GC: variants seen among roughly 807,000 people sequenced by gnomAD.
The protein encoded by GC is vitamin D-binding protein.
GC carries 43 observed loss-of-function variants against 56.7 expected under a neutral mutation model. The observed-to-expected ratio is 0.76, with a 90% CI of 0.59 to 0.98. GC has a LOEUF of 0.98. Among genes scored for constraint, GC ranks in the 50% least tolerant of loss-of-function variants. GC has a pLI of 0.00. For missense variants in GC, 529 were observed against 545.9 expected (o/e 0.97, Z 0.31); for synonymous variants, 216 against 202.7 (o/e 1.07, Z -0.56).
upstream of GC, chr4:71,784,116 C>G: frequency 6.7e-7 from 1 of 1,501,094 alleles, no homozygotes; most frequent in Non-Finnish European, 8.9e-7. Context: ...ACAAAGATTC[C>G]TGACTATGAA....
intron 1 of GC, among the ~76,000 whole-genome samples, chr4:71,780,100 CTT>C (rs1742625883): frequency 2.0e-5 from 3 of 151,992 alleles, no homozygotes; most frequent in African/African-American, 7.2e-5. Context: ...ACCCTCTGAT[CTT>C]TGACAAACCT....
rs749918294 is a variant in GC at position 71,746,178 on chromosome 4, A to G, written c.1423T>C (p.Ter475GlnextTer2). Reference protein sequence around the residue: ...EIDAELKNIL* With the variant: ...EIDAELKNILQ ...AAGTTAATAAACATGCTTCAGGACT[A>G]CAGGATATTCTTCAATTCAGCATCA... The change falls in exon 12 of 13, where the codon TAG (stop) becomes CAG (glutamine). Residue 475 changes from the stop codon to glutamine (Q), a stop_lost. Coordinates refer to ENST00000273951, the MANE Select transcript of GC (RefSeq NM_000583.4). The G allele has an allele frequency of 7.6e-7, 1 of 1,324,080 alleles. No homozygotes were observed. The highest frequency in any genetic ancestry group is 1.2e-5 in the South Asian group (1 of 84,396). The allele number at this position is 1,324,080 out of a possible 1,614,324, so 82.0% of individuals were successfully genotyped here.
chr4:71,785,548 G>A (rs1324262475), upstream of GC, among the ~76,000 whole-genome samples: 1 of 151,686 alleles, frequency 6.6e-6, no homozygotes, highest in Non-Finnish European at 1.5e-5. Flanking sequence ...AGAAAATAGA[G>A]TCCAGCTAGT....
intron 2 of GC, 57 bp downstream of exon 2, chr4:71,769,274 A>C (rs1267548999): frequency 7.9e-7 from 1 of 1,258,304 alleles, no homozygotes. Context: ...GTTACCTCAC[A>C]CTCAGTTTTG....
rs377426655 is a variant in GC at position 71,759,840 on chromosome 4, G to A, written c.702-1669C>T. ...TGTTCATAGCAAATGCTATTTCCTT[G>A]AAGTACATTTCTGGACATGAATACA... On this transcript the variant is annotated intron_variant, in intron 6 of 12. Transcript: ENST00000273951. 4.6e-5 allele frequency among the ~76,000 whole-genome samples: 7 copies of A among 152,082 alleles called. No individual in the cohort carries two copies. In the East Asian group the frequency reaches 9.7e-4, roughly 21 times the overall value.
chr4:71,769,436 C>A, intron 1 of GC, 36 bp from the exon 2 acceptor site: 1 of 1,328,046 alleles, frequency 7.5e-7, no homozygotes, highest in East Asian at 2.3e-5. Context: ...GTATGTGTCC[C>A]CTTTTGATGA....
At chr4:71,752,043 T>C (rs1441681783) in intron 11 of GC, among the ~76,000 whole-genome samples, 1 of 152,016 alleles carries the variant, frequency 6.6e-6, no homozygotes, top group African/African-American at 2.4e-5. Context: ...TTTTCTAAAG[T>C]ATTTATTTTT....
chr4:71,801,044 C>T (rs1166780487), intron 1 of GC, among the ~76,000 whole-genome samples: 1 of 152,072 alleles, frequency 6.6e-6, no homozygotes, highest in Non-Finnish European at 1.5e-5. Context: ...AGTGAAATGA[C>T]AACCCACGGA....
At chr4:71,792,687 G>C (rs543269291) in intron 1 of GC, among the ~76,000 whole-genome samples, 267 of 152,180 alleles carry the variant, frequency 1.8e-3, no homozygotes, top group African/African-American at 6.1e-3. Flanking sequence ...TGTCTATTTT[G>C]ACTTTTGTTG....
intron 1 of GC, among the ~76,000 whole-genome samples, chr4:71,771,353 T>C (rs1742335972): frequency 6.6e-6 from 1 of 152,004 alleles, no homozygotes. Context: ...TTTTAAAGAT[T>C]CTCTTTAGGA....
upstream of GC, chr4:71,784,337 G>C (rs1198527098): frequency 1.9e-6 from 2 of 1,043,424 alleles, no homozygotes; most frequent in Non-Finnish European, 2.3e-6. Flanking sequence ...TTCCACTGCT[G>C]TTCCTCACTA....
At position 71,752,580 on chromosome 4, in the gene GC, G is replaced by A. The variant is rs3737553; in HGVS notation, c.1333C>T (p.His445Tyr). The change falls in exon 11 of 13, where the codon CAC (histidine) becomes TAC (tyrosine). Residue 445 changes from histidine (H) to tyrosine (Y), a missense_variant. His to Tyr is a moderately conservative substitution (Grantham distance 83). Transcript: ENST00000273951. ...PTELAKLVNK[H>Y]SDFASNCCSI... ...CAGCAGTTGGAGGCAAAGTCTGAGTGCTTGTTAACCAGCTTTGCCAGTTCC... is the reference window on the plus strand; with the variant it reads ...CAGCAGTTGGAGGCAAAGTCTGAGTACTTGTTAACCAGCTTTGCCAGTTCC... 5.1e-4 allele frequency: 827 copies of A among 1,612,590 alleles called. 11 individuals carry two copies. The East Asian group carries it at 0.017, about 33-fold the overall frequency.
At chr4:71,743,241 C>T (rs1741247260) in intron 12 of GC, among the ~76,000 whole-genome samples, 1 of 152,062 alleles carries the variant, frequency 6.6e-6, no homozygotes, top group Admixed American at 6.5e-5. Flanking sequence ...ATGAGTGAGT[C>T]AAATCTCTAA....
intron 1 of GC, among the ~76,000 whole-genome samples, chr4:71,792,887 A>T (rs1560714058): frequency 1.3e-5 from 2 of 152,192 alleles, no homozygotes; most frequent in Non-Finnish European, 2.9e-5. Flanking sequence ...ATGGCTAGCC[A>T]GTTTTCCCAG....
intron 1 of GC, among the ~76,000 whole-genome samples, chr4:71,796,450 G>C (rs997570967): frequency 9.9e-5 from 15 of 151,916 alleles, no homozygotes; most frequent in African/African-American, 2.9e-4. Context: ...CCATTTGATC[G>C]AATCAGCCAC....
chr4:71,785,299 T>G (rs1742806652), upstream of GC, among the ~76,000 whole-genome samples: 1 of 151,700 alleles, frequency 6.6e-6, no homozygotes, highest in Admixed American at 6.6e-5. Flanking sequence ...CTTTCCAAAT[T>G]TATAATATCT....
chr4:71,745,192 A>C (rs1358692391), intron 12 of GC, among the ~76,000 whole-genome samples: 1 of 152,216 alleles, frequency 6.6e-6, no homozygotes, highest in Non-Finnish European at 1.5e-5. Context: ...TCATCTTTAG[A>C]CAGGATAGAT....
intron 11 of GC, among the ~76,000 whole-genome samples, chr4:71,746,983 C>T (rs1741398249): frequency 1.3e-5 from 2 of 151,748 alleles, no homozygotes; most frequent in East Asian, 3.9e-4. Context: ...AAACTAAATA[C>T]CAAGAATGTA....
Position 71,769,420 on chromosome 4 carries a change from A to G in GC, c.59-20T>C. ...CCCGGCCTAGGAGGCAGAAATAGAA[A>G]AATTTGTATGTGTCCCCTTTTGATG... On this transcript the variant is annotated intron_variant, in intron 1 of 12. Transcript: ENST00000273951. 1 of 1,535,396 alleles carries G rather than the reference A, an allele frequency of 6.5e-7. No homozygotes were observed. The highest frequency in any genetic ancestry group is 1.4e-5 in the African/African-American group (1 of 73,588).
Sources: allele counts gnomAD v4.1 joint callset (sites outside exome capture counted in the v4.1 genomes callset), GRCh38; gene constraint gnomAD v4.1.1; transcripts MANE v1.5; gene names NCBI Gene and HGNC (gene_info 2026-07-23, HGNC 2026-07-21).